DHCR24: variants seen among roughly 807,000 people sequenced by gnomAD.
The protein encoded by DHCR24 is delta(24)-sterol reductase.
Under a neutral mutation model 61.2 loss-of-function variants are expected in DHCR24, and 28 were observed. That is an observed-to-expected ratio of 0.46 (90% CI 0.34 to 0.63). The LOEUF (loss-of-function observed/expected upper bound fraction) is 0.63, where lower values mean the gene tolerates loss of function less well. DHCR24 is among the 20% of genes least tolerant of loss of function. DHCR24 has a pLI of 0.01. For synonymous variants in DHCR24, 261 were observed against 275.9 expected (o/e 0.95, Z 0.54); for missense variants, 538 against 679.1 (o/e 0.79, Z 2.31).
chr1:54,860,994 G>GAAA (rs10547670), intron 6 of DHCR24, among the ~76,000 whole-genome samples: 1 of 143,558 alleles, frequency 7.0e-6, no homozygotes, highest in Non-Finnish European at 1.5e-5. Flanking sequence ...TCTCAAAAAA[G>GAAA]AAAAAAAAAA....
In DHCR24 at chr1:54,876,921, G is replaced by A. The variant is rs191599064; in HGVS notation, c.388-874C>T. Among the ~76,000 whole-genome samples the A allele has an allele frequency of 2.0e-5, 3 of 151,958 alleles. No individual in the cohort carries two copies. In the East Asian group the frequency reaches 6.0e-4, roughly 30 times the overall value. On this transcript the variant is annotated intron_variant, in intron 2 of 8. Coordinates refer to ENST00000371269, the MANE Select transcript of DHCR24 (RefSeq NM_014762.4). Reference sequence around the variant, plus strand: ...TGATCTTACACATTTTAGGGAGACAGAACACATCAATCAATATATGTAAGA... The same window carrying A: ...TGATCTTACACATTTTAGGGAGACAAAACACATCAATCAATATATGTAAGA...
intron 5 of DHCR24, among the ~76,000 whole-genome samples, chr1:54,868,331 G>A (rs1006066395): frequency 1.3e-5 from 2 of 151,972 alleles, no homozygotes; most frequent in East Asian, 1.9e-4. Flanking sequence ...TTAGCCGGGC[G>A]TGGTGGTGGG....
chr1:54,875,855 C>G (rs1438056867), intron 3 of DHCR24, 87 bp downstream of exon 3: 1 of 1,054,040 alleles, frequency 9.5e-7, no homozygotes, highest in African/African-American at 1.6e-5. Flanking sequence ...GCGGCAATTC[C>G]AGGACTAGAT....
At chr1:54,876,151 C>G in intron 2 of DHCR24, 104 bp from the exon 3 acceptor site, 1 of 831,356 alleles carries the variant, frequency 1.2e-6, no homozygotes, top group Non-Finnish European at 2.1e-6. Flanking sequence ...CAAACACTCA[C>G]TGCAGGGATT....
At chr1:54,880,181 A>C (rs902619974) in intron 2 of DHCR24, among the ~76,000 whole-genome samples, 2 of 152,228 alleles carry the variant, frequency 1.3e-5, no homozygotes, top group Non-Finnish European at 2.9e-5. Context: ...AGCTACAGAT[A>C]TCTAAAGGAA....
At chr1:54,886,487 A>C in intron 1 of DHCR24, 8 of 755,740 alleles carry the variant, frequency 1.1e-5, no homozygotes, top group Non-Finnish European at 1.6e-5. Flanking sequence ...GCTTCCCAGC[A>C]TTTGCTCACA....
chr1:54,869,815 G>A (rs1211827485), intron 5 of DHCR24, among the ~76,000 whole-genome samples: 1 of 152,122 alleles, frequency 6.6e-6, no homozygotes, highest in Non-Finnish European at 1.5e-5. Context: ...ACTTGGCTTG[G>A]GAGGCCAAGG....
chr1:54,877,617 A>C (rs1162866732), intron 2 of DHCR24, among the ~76,000 whole-genome samples: 1 of 151,830 alleles, frequency 6.6e-6, no homozygotes, highest in Non-Finnish European at 1.5e-5. Context: ...TTTTAAAAAA[A>C]GGTGAGCTCT....
intron 3 of DHCR24, among the ~76,000 whole-genome samples, chr1:54,875,641 G>A (rs1486007268): frequency 1.3e-5 from 2 of 152,162 alleles, no homozygotes; most frequent in Non-Finnish European, 2.9e-5. Context: ...TATGGGAGGA[G>A]AAGAGAGACT....
intron 6 of DHCR24, among the ~76,000 whole-genome samples, chr1:54,860,490 CT>C (rs1243757894): frequency 8.5e-5 from 13 of 152,176 alleles, no homozygotes; most frequent in East Asian, 7.7e-4. Flanking sequence ...TAGGGTCCCC[CT>C]GGCCCCTCAT....
intron 4 of DHCR24, among the ~76,000 whole-genome samples, chr1:54,872,506 G>A (rs912652070): frequency 6.6e-6 from 1 of 152,166 alleles, no homozygotes; most frequent in African/African-American, 2.4e-5. Context: ...GGGCAGGAGA[G>A]CTGGAGCAAG....
intron 5 of DHCR24, among the ~76,000 whole-genome samples, chr1:54,865,787 T>TTCCC (rs1646965146): frequency 6.6e-6 from 1 of 152,042 alleles, no homozygotes; most frequent in Non-Finnish European, 1.5e-5. Context: ...TGCAGGGGAA[T>TTCCC]TCCCTCCCTC....
intron 2 of DHCR24, among the ~76,000 whole-genome samples, chr1:54,878,676 C>T (rs1009208961): frequency 2.6e-5 from 4 of 152,032 alleles, no homozygotes; most frequent in Non-Finnish European, 5.9e-5. Context: ...TCATAATAAA[C>T]TCAAGATTAA....
chr1:54,882,026 T>C (rs1647066152), intron 2 of DHCR24, among the ~76,000 whole-genome samples: 1 of 151,968 alleles, frequency 6.6e-6, no homozygotes, highest in South Asian at 2.1e-4. Flanking sequence ...TAATAGGTAC[T>C]AGGCTTAATA....
intron 6 of DHCR24, among the ~76,000 whole-genome samples, chr1:54,864,810 G>A (rs556280106): frequency 1.3e-5 from 2 of 152,176 alleles, no homozygotes; most frequent in African/African-American, 4.8e-5. Context: ...CATCTCCTGA[G>A]GGGTTCTTCC....
At chr1:54,852,473 C>G (rs1646881503) in intron 8 of DHCR24, 87 bp from the exon 9 acceptor site, 1 of 1,479,092 alleles carries the variant, frequency 6.8e-7, no homozygotes, top group African/African-American at 1.4e-5. Context: ...TTCTGCAGCC[C>G]AGAAAAGGCT....
chr1:54,876,266 C>T lies in DHCR24; in HGVS notation c.388-219G>A, dbSNP rs180813678. 1.7e-3 allele frequency among the ~76,000 whole-genome samples: 264 copies of T among 152,180 alleles called. No homozygotes were observed. In the South Asian group the frequency reaches 0.025, roughly 14 times the overall value. ...GTGTTCAACCTCGCCCTTCAAGTAT[C>T]TTTATACTAAATATTTGACTTAACC... On this transcript the variant is annotated intron_variant, in intron 2 of 8. Coordinates refer to ENST00000371269, the MANE Select transcript of DHCR24 (RefSeq NM_014762.4).
chr1:54,853,899 G>A (rs1646892185), intron 7 of DHCR24, 138 bp downstream of exon 7: 2 of 933,210 alleles, frequency 2.1e-6, no homozygotes, highest in African/African-American at 3.3e-5. Flanking sequence ...AGCAGACATA[G>A]GGACAAGGAC....
chr1:54,864,326 A>G (rs1646955812), intron 6 of DHCR24, among the ~76,000 whole-genome samples: 1 of 152,260 alleles, frequency 6.6e-6, no homozygotes, highest in African/African-American at 2.4e-5. Context: ...GATGAGTGAC[A>G]AAACAAAATG....
Sources: gnomAD v4.1 joint callset for allele counts (sites outside exome capture counted in the v4.1 genomes callset) on GRCh38, gnomAD v4.1.1 for gene constraint, MANE v1.5 for transcripts, NCBI Gene and HGNC (gene_info 2026-07-23, HGNC 2026-07-21) for gene names.